Variants in CSMD3 observed in about 807,000 individuals in gnomAD.
CSMD3 encodes the protein CUB and Sushi multiple domains 3, also known as CUB and sushi domain-containing protein 3.
A neutral mutation model predicts 435.2 loss-of-function variants in CSMD3; 177 were observed. The observed-to-expected ratio is 0.41, with a 90% CI of 0.36 to 0.46. CSMD3 has a LOEUF of 0.46. CSMD3 is among the 20% of genes least tolerant of loss of function. The pLI is 0.34. For missense variants in CSMD3, 4,265 were observed against 4,504.6 expected, an observed-to-expected ratio of 0.95 and a Z score of 1.52; for synonymous variants, 1,656 against 1,520.5, an observed-to-expected ratio of 1.09 and a Z score of -2.07.
Position 112,224,539 on chromosome 8 carries a change from A to T in CSMD3, c.*232T>A. 1 of 563,378 alleles carries T rather than the reference A, an allele frequency of 1.8e-6. No homozygotes were observed. The highest frequency in any genetic ancestry group is 3.0e-5 in the East Asian group (1 of 32,858). 34.9% of individuals were successfully genotyped at this position (563,378 alleles called of 1,614,324 possible). On this transcript the variant is annotated 3_prime_UTR_variant, in exon 71 of 71. Coordinates refer to ENST00000297405, the MANE Select transcript of CSMD3 (RefSeq NM_198123.2). ...AATCTCCTTTTTAAAAAAAGCAAAT[A>T]AACTGTGAGTAAGCACTCTCAGAGT...
chr8:112,624,237 C>T (rs1178731966), intron 22 of CSMD3, among the ~76,000 whole-genome samples: 1 of 151,840 alleles, frequency 6.6e-6, no homozygotes, highest in Non-Finnish European at 1.5e-5. Context: ...AAAAGCTTTC[C>T]AAATTTGGCA....
At chr8:112,406,281 C>G (rs1381109772) in intron 35 of CSMD3, among the ~76,000 whole-genome samples, 1 of 151,882 alleles carries the variant, frequency 6.6e-6, no homozygotes, top group Non-Finnish European at 1.5e-5. Flanking sequence ...CACATAAATC[C>G]ATATAAATCA....
intron 4 of CSMD3, among the ~76,000 whole-genome samples, chr8:113,142,643 A>G (rs1478339034): frequency 6.6e-6 from 1 of 151,118 alleles, no homozygotes; most frequent in African/African-American, 2.4e-5. Context: ...TAATGGGTAG[A>G]CACATATAAT....
chr8:112,945,301 G>A (rs1159346954), intron 9 of CSMD3, among the ~76,000 whole-genome samples: 2 of 151,594 alleles, frequency 1.3e-5, no homozygotes, highest in Non-Finnish European at 3.0e-5. Flanking sequence ...CTTTCACTCA[G>A]ACTACTGAAG....
At chr8:112,960,699 A>T (rs905246852) in intron 7 of CSMD3, among the ~76,000 whole-genome samples, 1 of 151,786 alleles carries the variant, frequency 6.6e-6, no homozygotes, top group Non-Finnish European at 1.5e-5. Flanking sequence ...AATAAAAATT[A>T]AAAAAAGTTC....
intron 20 of CSMD3, among the ~76,000 whole-genome samples, chr8:112,644,010 T>C (rs1341118730): frequency 6.6e-6 from 1 of 151,726 alleles, no homozygotes; most frequent in Non-Finnish European, 1.5e-5. Flanking sequence ...TTTTAGATTT[T>C]CTATATTAAA....
chr8:112,479,623 AG>A (rs968756080), intron 31 of CSMD3, among the ~76,000 whole-genome samples: 9 of 152,304 alleles, frequency 5.9e-5, no homozygotes, highest in Admixed American at 3.9e-4. Flanking sequence ...CTTGGCTCAA[AG>A]GGGTCCAGGT....
chr8:112,422,265 C>T (rs935154058), intron 32 of CSMD3, among the ~76,000 whole-genome samples: 19 of 151,846 alleles, frequency 1.3e-4, no homozygotes, highest in Non-Finnish European at 2.1e-4. Flanking sequence ...TACATTCATC[C>T]TAAATGGCCA....
intron 1 of CSMD3, among the ~76,000 whole-genome samples, chr8:113,328,730 C>CTTTTTTTTTTT (rs1433804259): frequency 1.9e-4 from 12 of 64,018 alleles, no homozygotes; most frequent in African/African-American, 7.0e-4. Context: ...TTCCTTCCTT[C>CTTTTTTTTTTT]TTTTCTTTTT....
chr8:112,994,224 A>G (rs780012581), intron 6 of CSMD3, among the ~76,000 whole-genome samples: 4 of 151,756 alleles, frequency 2.6e-5, no homozygotes, highest in Non-Finnish European at 5.9e-5. Flanking sequence ...TGTTACACTT[A>G]TCAAGAAAAT....
At chr8:112,503,712 G>A in intron 30 of CSMD3, 78 bp downstream of exon 30, 1 of 984,228 alleles carries the variant, frequency 1.0e-6, no homozygotes. Context: ...CACTAACAAT[G>A]GGCCATACCA....
chr8:113,346,443 C>T (rs1167063992), intron 1 of CSMD3, among the ~76,000 whole-genome samples: 1 of 152,078 alleles, frequency 6.6e-6, no homozygotes. Context: ...TCCTCTGATT[C>T]TTTGTCATAA....
chr8:112,800,128 A>G (rs1767638257), intron 13 of CSMD3, 34 bp downstream of exon 13: 1 of 1,359,236 alleles, frequency 7.4e-7, no homozygotes, highest in Non-Finnish European at 1.1e-6. Flanking sequence ...GGTGGTATTA[A>G]GATAACATTT....
intron 2 of CSMD3, among the ~76,000 whole-genome samples, chr8:113,302,466 C>G (rs2093780648): frequency 6.6e-6 from 1 of 150,652 alleles, no homozygotes; most frequent in Non-Finnish European, 1.5e-5. Flanking sequence ...TTCAGAATAT[C>G]AAATATTAAC....
chr8:112,707,918 T>C (rs1030520477), intron 13 of CSMD3, among the ~76,000 whole-genome samples: 1 of 152,126 alleles, frequency 6.6e-6, no homozygotes, highest in Admixed American at 6.6e-5. Flanking sequence ...CCTTATTTAT[T>C]TAACAATAGT....
At chr8:112,587,290 C>G (rs1830814533) in intron 22 of CSMD3, 55 bp from the exon 23 acceptor site, 1 of 1,263,748 alleles carries the variant, frequency 7.9e-7, no homozygotes, top group African/African-American at 1.5e-5. Context: ...GTATCATTTT[C>G]AAGCAATATC....
At chr8:112,607,671 A>G (rs1396350619) in intron 22 of CSMD3, among the ~76,000 whole-genome samples, 2 of 152,190 alleles carry the variant, frequency 1.3e-5, no homozygotes, top group Non-Finnish European at 2.9e-5. Context: ...TACAGATACT[A>G]ATAAACATGA....
At chr8:112,647,091 A>G (rs568478057) in intron 19 of CSMD3, among the ~76,000 whole-genome samples, 1 of 150,158 alleles carries the variant, frequency 6.7e-6, no homozygotes, top group Non-Finnish European at 1.5e-5. Context: ...TAACTCAAAC[A>G]GTCTAGTTCC....
chr8:113,368,116 TC>T, intron 1 of CSMD3, among the ~76,000 whole-genome samples: 1 of 152,280 alleles, frequency 6.6e-6, no homozygotes, highest in Admixed American at 6.5e-5. Flanking sequence ...ATGAAAATTT[TC>T]TTTTCTCACA....
Sources: gnomAD v4.1 joint callset for allele counts (sites outside exome capture counted in the v4.1 genomes callset) on GRCh38, gnomAD v4.1.1 for gene constraint, MANE v1.5 for transcripts, NCBI Gene and HGNC (gene_info 2026-07-23, HGNC 2026-07-21) for gene names.